ZNF827: variants seen among roughly 807,000 people sequenced by gnomAD.
The protein encoded by ZNF827 is zinc finger protein 827.
ZNF827 carries 13 observed loss-of-function variants against 102.4 expected under a neutral mutation model. The observed-to-expected ratio is 0.13, with a 90% CI of 0.08 to 0.20. The LOEUF (loss-of-function observed/expected upper bound fraction) is 0.20, where lower values mean the gene tolerates loss of function less well. Ranked by LOEUF, ZNF827 falls within the 10% of genes least tolerant of loss-of-function variation. The probability of loss-of-function intolerance (pLI) is 1.00; values close to 1 mark genes in which losing one functional copy is unlikely to be tolerated. For missense variants in ZNF827, 1,103 were observed against 1,344.4 expected, an observed-to-expected ratio of 0.82 and a Z score of 2.81; for synonymous variants, 523 against 536.2, an observed-to-expected ratio of 0.98 and a Z score of 0.34.
intron 7 of ZNF827, among the ~76,000 whole-genome samples, chr4:145,834,348 C>T (rs1389681866): frequency 6.6e-6 from 1 of 152,096 alleles, no homozygotes. Flanking sequence ...CAGTATTAAC[C>T]CCAAGCGTCG....
At chr4:145,924,116 G>C (rs1753262982) in intron 1 of ZNF827, among the ~76,000 whole-genome samples, 1 of 152,160 alleles carries the variant, frequency 6.6e-6, no homozygotes, top group South Asian at 2.1e-4. Context: ...ATCCCAGAAA[G>C]GTAACCATTG....
At position 145,936,008 on chromosome 4, in the gene ZNF827, G is replaced by T. The variant is rs1439368751; in HGVS notation, c.43+2357C>A. On this transcript the variant is annotated intron_variant, in intron 1 of 14. Transcript: ENST00000508784. Reference sequence around the variant, plus strand: ...TTTTTAAAGCAGGGGGAGAAGAGAAGAAAGGGAAAATGACCAAATAACCTC... The same window carrying T: ...TTTTTAAAGCAGGGGGAGAAGAGAATAAAGGGAAAATGACCAAATAACCTC... Among the ~76,000 whole-genome samples, 3 of 151,844 alleles carry T rather than the reference G, an allele frequency of 2.0e-5. No homozygotes were observed. In the East Asian group the frequency reaches 5.8e-4, roughly 29 times the overall value.
At position 145,759,934 on chromosome 4, in the gene ZNF827, CTGTG is replaced by C. The variant is rs1325817271; in HGVS notation, c.*1678_*1681del. The C allele has an allele frequency of 2.0e-5, 3 of 152,198 alleles. No individual in the cohort carries two copies. Among genetic ancestry groups the C allele is most frequent in the Admixed American group, 6.5e-5 (1 of 15,284 alleles). The allele number at this position is 152,198 out of a possible 1,614,324, so 9.4% of individuals were successfully genotyped here. A position where few individuals can be genotyped will look rare whatever the true frequency, so the allele number is the denominator to read the frequency against. ...TAATCTGCCCTTAAAAAATGATGCA[CTGTG>C]TGTGTGCACCGTACACATTTGTCTA... On this transcript the variant is annotated 3_prime_UTR_variant, in exon 15 of 15. Coordinates refer to ENST00000508784, the MANE Select transcript of ZNF827 (RefSeq NM_001306215.2).
intron 5 of ZNF827, among the ~76,000 whole-genome samples, chr4:145,858,287 C>A (rs955933915): frequency 6.6e-6 from 1 of 151,486 alleles, no homozygotes; most frequent in Non-Finnish European, 1.5e-5. Flanking sequence ...CAAAATGAGA[C>A]GGTACATTAA....
At chr4:145,838,884 G>T (rs761767717) in intron 7 of ZNF827, among the ~76,000 whole-genome samples, 47 of 152,094 alleles carry the variant, frequency 3.1e-4, no homozygotes, top group Non-Finnish European at 6.0e-4. Flanking sequence ...AAATTTTACT[G>T]TTTAGTATCT....
chr4:145,765,621 C>A lies in ZNF827; in HGVS notation c.2978G>T (p.Gly993Val), dbSNP rs1182367774. The A allele has an allele frequency of 6.2e-7, 1 of 1,614,140 alleles. No individual in the cohort carries two copies. Among genetic ancestry groups the A allele is most frequent in the Non-Finnish European group, 8.5e-7 (1 of 1,180,018 alleles). The part of the protein sequence containing the change: ...DSDGSQKNKG[G>V]NNLLVISVMP... Reference sequence around the variant, plus strand: ...GACAGAGATGACCAGCAGATTGTTCCCGCCCTTGTTTTTCTGGGAGCCATC... The same window carrying A: ...GACAGAGATGACCAGCAGATTGTTCACGCCCTTGTTTTTCTGGGAGCCATC... Residue 993 changes from glycine (G) to valine (V), a missense_variant, in exon 12 of 15, where the codon GGG becomes GTG. Transcript: ENST00000508784. The surrounding 1 kb of genome is among the most constrained non-coding windows in gnomAD (Gnocchi z 4.7).
chr4:145,803,689 T>G (rs1292456271), intron 8 of ZNF827, among the ~76,000 whole-genome samples: 2 of 152,200 alleles, frequency 1.3e-5, no homozygotes, highest in Non-Finnish European at 2.9e-5. Context: ...TAAATTGGTG[T>G]ATATGACTCC....
Position 145,759,268 on chromosome 4 carries a change from G to C in ZNF827, c.*2348C>G, listed in dbSNP as rs1035023615. On this transcript the variant is annotated 3_prime_UTR_variant, in exon 15 of 15. Transcript: ENST00000508784. ...AAAATACAAGCAATGAACATATTCA[G>C]CCAAAGATTTTTTTCCTTTTTTCTT... 3.3e-5 allele frequency: 5 copies of C among 152,132 alleles called. No homozygotes were observed. Among genetic ancestry groups the C allele is most frequent in the African/African-American group, 1.2e-4 (5 of 41,434 alleles). 9.4% of individuals were successfully genotyped at this position (152,132 alleles called of 1,614,324 possible). A position where few individuals can be genotyped will look rare whatever the true frequency, so the allele number is the denominator to read the frequency against.
At chr4:145,836,842 A>G (rs1224432183) in intron 7 of ZNF827, among the ~76,000 whole-genome samples, 1 of 151,908 alleles carries the variant, frequency 6.6e-6, no homozygotes, top group African/African-American at 2.4e-5. Flanking sequence ...CATCGTGGAA[A>G]TCTATCCTCA....
chr4:145,938,365 G>A lies in ZNF827; in HGVS notation c.43C>T (p.His15Tyr), dbSNP rs1196470457. ...AGGAGGTGGAGAAGGGATGACTTAC[G>A]TGAGGGAAGGCGCTTGGGCTGCTCC... The part of the protein sequence containing the change: ...KQEQPKRLPS[H>Y]VSRQEEAEGE... Residue 15 changes from histidine to tyrosine, a missense_variant and splice_region_variant, in exon 1 of 15, where the codon CAT (histidine) becomes TAT (tyrosine). Physicochemically the swap from His to Tyr is moderately conservative, Grantham distance 83. Around this residue, in one of 5 missense-constraint regions of ZNF827, gnomAD observed 441 missense variants for 458.6 expected, o/e 0.96. Transcript: ENST00000508784. 2 of 1,613,622 alleles carry A rather than the reference G, an allele frequency of 1.2e-6. No homozygotes were observed. Among genetic ancestry groups the A allele is most frequent in the African/African-American group, 1.3e-5 (1 of 74,994 alleles).
At chr4:145,872,794 G>C (rs1748813574) in intron 4 of ZNF827, among the ~76,000 whole-genome samples, 1 of 151,470 alleles carries the variant, frequency 6.6e-6, no homozygotes, top group African/African-American at 2.4e-5. Context: ...AGAATCGCTT[G>C]AACCCAGGAG....
chr4:145,768,118 A>G (rs186263082), intron 11 of ZNF827, among the ~76,000 whole-genome samples: 92 of 152,316 alleles, frequency 6.0e-4, no homozygotes, highest in Non-Finnish European at 7.5e-4. Context: ...TATACAACAT[A>G]TGAAGTGGTT....
intron 1 of ZNF827, among the ~76,000 whole-genome samples, chr4:145,910,127 G>C (rs116699703): frequency 5.3e-5 from 8 of 152,168 alleles, no homozygotes; most frequent in Admixed American, 4.6e-4. Context: ...CTGGAGACGA[G>C]AGTAGTCCAC....
At chr4:145,817,271 C>A (rs1214338621) in intron 8 of ZNF827, among the ~76,000 whole-genome samples, 1 of 152,138 alleles carries the variant, frequency 6.6e-6, no homozygotes, top group Non-Finnish European at 1.5e-5. Flanking sequence ...AGCAGTAAAG[C>A]CCCTAGACTA....
At chr4:145,856,979 G>A (rs931691149) in intron 5 of ZNF827, among the ~76,000 whole-genome samples, 2 of 100,258 alleles carry the variant, frequency 2.0e-5, no homozygotes, top group East Asian at 3.9e-4. Flanking sequence ...GCGCGCGCAC[G>A]CGCACGCACA....
intron 8 of ZNF827, among the ~76,000 whole-genome samples, chr4:145,798,621 C>A (rs1269412531): frequency 6.6e-6 from 1 of 152,162 alleles, no homozygotes; most frequent in African/African-American, 2.4e-5. Flanking sequence ...GAGCCGAGAT[C>A]ATGCCATTGC....
At chr4:145,884,748 G>A (rs1749962683) in intron 4 of ZNF827, among the ~76,000 whole-genome samples, 1 of 152,052 alleles carries the variant, frequency 6.6e-6, no homozygotes, top group Non-Finnish European at 1.5e-5. Flanking sequence ...GAAACATCAT[G>A]TACAATTTGA....
chr4:145,848,286 C>G (rs1054365411), intron 6 of ZNF827, among the ~76,000 whole-genome samples: 4 of 152,186 alleles, frequency 2.6e-5, no homozygotes, highest in African/African-American at 4.8e-5. Context: ...TGCACAAATA[C>G]CATCCCTGTT....
chr4:145,871,596 G>C (rs1748685402), intron 4 of ZNF827, among the ~76,000 whole-genome samples: 1 of 152,162 alleles, frequency 6.6e-6, no homozygotes, highest in Non-Finnish European at 1.5e-5. Flanking sequence ...TTGAGAAAGA[G>C]GATCTCATCC....
Sources: gnomAD v4.1 joint callset for allele counts (sites outside exome capture counted in the v4.1 genomes callset) on GRCh38, gnomAD v4.1.1 for gene constraint, gnomAD v4.1.1 regional missense constraint, Gnocchi (gnomAD v3.1) non-coding constraint, MANE v1.5 for transcripts, NCBI Gene and HGNC (gene_info 2026-07-23, HGNC 2026-07-21) for gene names.